The following HORMAD1 variants were observed in gnomAD, a reference collection of about 807,000 sequenced individuals.
HORMAD1 encodes the protein HORMA domain-containing protein 1.
HORMAD1 carries 33 observed loss-of-function variants against 58.2 expected under a neutral mutation model. That is an observed-to-expected ratio of 0.57 (90% CI 0.43 to 0.76). HORMAD1 has a LOEUF of 0.76. HORMAD1 is among the 30% of genes least tolerant of loss of function. HORMAD1 has a pLI of 0.00. For missense variants in HORMAD1, 363 were observed against 462.0 expected (o/e 0.79, Z 1.96); for synonymous variants, 137 against 144.6 (o/e 0.95, Z 0.38).
chr1:150,705,089 A>G (rs1404607014), intron 10 of HORMAD1, among the ~76,000 whole-genome samples: 2 of 152,142 alleles, frequency 1.3e-5, no homozygotes, highest in African/African-American at 2.4e-5. Flanking sequence ...AGAAAACCCC[A>G]AAAACCTACA....
chr1:150,704,031 TA>T, intron 12 of HORMAD1, 86 bp downstream of exon 12: 1 of 812,406 alleles, frequency 1.2e-6, no homozygotes, highest in Non-Finnish European at 1.9e-6. Context: ...AGACCTGGAA[TA>T]AGAAAATCTG....
chr1:150,718,344 ATTTTTTTTTT>A (rs34258924), intron 2 of HORMAD1, among the ~76,000 whole-genome samples: 1 of 125,862 alleles, frequency 7.9e-6, no homozygotes, highest in South Asian at 2.7e-4. Context: ...TGCCTGGCTA[ATTTTTTTTTT>A]TTTTTTTTTT....
chr1:150,718,405 A>G (rs1005736791), intron 2 of HORMAD1, among the ~76,000 whole-genome samples: 5 of 150,126 alleles, frequency 3.3e-5, no homozygotes, highest in African/African-American at 1.2e-4. Flanking sequence ...GCTGACCTCA[A>G]ACTCTTGCGC....
chr1:150,705,328 C>A (rs1447373729), intron 10 of HORMAD1, among the ~76,000 whole-genome samples: 2 of 151,782 alleles, frequency 1.3e-5, no homozygotes, highest in Non-Finnish European at 2.9e-5. Flanking sequence ...GAGTCCGAGA[C>A]TAGCCTGACC....
At chr1:150,704,847 A>G (rs749772507) in intron 10 of HORMAD1, among the ~76,000 whole-genome samples, 1 of 152,088 alleles carries the variant, frequency 6.6e-6, no homozygotes, top group Non-Finnish European at 1.5e-5. Flanking sequence ...GTTGGAGACC[A>G]GCCTGGCTAA....
chr1:150,699,481 A>C (rs1333645728), intron 14 of HORMAD1, among the ~76,000 whole-genome samples: 2 of 151,170 alleles, frequency 1.3e-5, no homozygotes, highest in Non-Finnish European at 3.0e-5. Context: ...GTATTCTTGT[A>C]CTGTCACTTT....
chr1:150,714,828 C>T, intron 3 of HORMAD1, 150 bp from the exon 4 acceptor site: 1 of 377,624 alleles, frequency 2.6e-6, no homozygotes, highest in South Asian at 9.6e-5. Flanking sequence ...CTCTATCACC[C>T]AGGATGGAGT....
Position 150,706,757 on chromosome 1 carries a change from T to C in HORMAD1, c.600A>G (p.Gly200=), listed in dbSNP as rs763853435. ...PPGFKDGDCE[G]VIFEGEPMYL... ...ACATAGGTTCCCCTTCAAATATAAC[T>C]CCTTCACAATCACCATCCTTAAAAC... Residue 200 remains glycine (G), a synonymous_variant, in exon 10 of 15, where the codon GGA becomes GGG. Coordinates refer to ENST00000361824, the MANE Select transcript of HORMAD1 (RefSeq NM_032132.5). 44 of 1,613,338 alleles carry C rather than the reference T, an allele frequency of 2.7e-5. No individual in the cohort carries two copies. Among genetic ancestry groups the C allele is most frequent in the Non-Finnish European group, 3.6e-5 (43 of 1,179,488 alleles).
chr1:150,716,483 A>G (rs1382964245), intron 3 of HORMAD1, among the ~76,000 whole-genome samples: 3 of 151,374 alleles, frequency 2.0e-5, no homozygotes, highest in Non-Finnish European at 4.4e-5. Flanking sequence ...ATATTATTTC[A>G]TTTATATGAA....
At chr1:150,714,274 A>G (rs748849960) in intron 4 of HORMAD1, among the ~76,000 whole-genome samples, 153 bp from the exon 5 acceptor site, 14 of 152,214 alleles carry the variant, frequency 9.2e-5, no homozygotes, top group Non-Finnish European at 1.8e-4. Context: ...AAGACAAAAC[A>G]TAAAAAACAA....
chr1:150,704,264 A>G lies in HORMAD1; in HGVS notation c.871+13T>C, dbSNP rs1263399657. 1.9e-6 allele frequency: 3 copies of G among 1,586,540 alleles called. No homozygotes were observed. The highest frequency in any genetic ancestry group is 3.7e-5 in the Admixed American group (2 of 54,368). ...TGGAAGTGAGTTAATGTACATTTTC[A>G]TTAACTTCTTACCTTCAAGTTCAGA... On this transcript the variant is annotated intron_variant, in intron 11 of 14. Transcript: ENST00000361824.
intron 14 of HORMAD1, among the ~76,000 whole-genome samples, chr1:150,699,341 G>T (rs188647074): frequency 1.4e-3 from 213 of 152,152 alleles, no homozygotes; most frequent in Non-Finnish European, 1.3e-3. Flanking sequence ...GGTACTAGGA[G>T]GAGACCCTAT....
At chr1:150,704,885 A>T (rs1195391600) in intron 10 of HORMAD1, among the ~76,000 whole-genome samples, 1 of 152,002 alleles carries the variant, frequency 6.6e-6, no homozygotes, top group African/African-American at 2.4e-5. Context: ...TCTACTAAAA[A>T]TACAAAAATT....
chr1:150,704,768 C>A (rs1468738701), intron 10 of HORMAD1, among the ~76,000 whole-genome samples: 1 of 152,066 alleles, frequency 6.6e-6, no homozygotes, highest in African/African-American at 2.4e-5. Context: ...CCAAGCCAGG[C>A]GCAATGGCTT....
At chr1:150,708,211 T>A in intron 9 of HORMAD1, 45 bp downstream of exon 9, 1 of 1,393,066 alleles carries the variant, frequency 7.2e-7, no homozygotes, top group Non-Finnish European at 9.6e-7. Context: ...TCAATAATGA[T>A]AAAACATATG....
At chr1:150,704,454 T>C (rs1344448038) in intron 10 of HORMAD1, 111 bp from the exon 11 acceptor site, 1 of 685,130 alleles carries the variant, frequency 1.5e-6, no homozygotes, top group Admixed American at 3.1e-5. Flanking sequence ...AAATACAATA[T>C]AAAACTACTG....
rs1651760257 is a variant in HORMAD1, at chr1:150,708,305, A to G, written c.498T>C (p.Pro166=). 5 of 1,610,246 alleles carry G rather than the reference A, an allele frequency of 3.1e-6. No individual in the cohort carries two copies. Among genetic ancestry groups the G allele is most frequent in the African/African-American group, 2.7e-5 (2 of 74,756 alleles). Residue 166 remains proline (P), a synonymous_variant, in exon 9 of 15, where the codon CCT becomes CCC. Coordinates refer to ENST00000361824, the MANE Select transcript of HORMAD1 (RefSeq NM_032132.5). ...TGGTCAAACAAACATCATTAGGTAA[A>G]GGCCCCAGATTTTGCATTAGGATAT... ...KIYILMQNLG[P]LPNDVCLTMK...
chr1:150,714,071 A>G lies in HORMAD1; in HGVS notation c.279+14T>C. ...ACTGTAGAAAAAAAAGGATAAAGAG[A>G]TTGCAAGACTTACATATTTTTTCTG... On this transcript the variant is annotated intron_variant, in intron 5 of 14. Transcript: ENST00000361824. The G allele has an allele frequency of 6.9e-7, 1 of 1,457,434 alleles. No individual in the cohort carries two copies. The highest frequency in any genetic ancestry group is 1.9e-5 in the Admixed American group (1 of 52,542). The allele number at this position is 1,457,434 out of a possible 1,614,324, so 90.3% of individuals were successfully genotyped here.
chr1:150,714,168 G>A (rs1367527912), intron 4 of HORMAD1, 47 bp from the exon 5 acceptor site: 2 of 1,128,932 alleles, frequency 1.8e-6, no homozygotes, highest in Admixed American at 2.3e-5. Context: ...TGCATTTCCA[G>A]AAAATAGTTA....
Sources: allele counts gnomAD v4.1 joint callset (sites outside exome capture counted in the v4.1 genomes callset), GRCh38; gene constraint gnomAD v4.1.1; transcripts MANE v1.5; gene names NCBI Gene and HGNC (gene_info 2026-07-23, HGNC 2026-07-21).